The following C2CD3 variants were observed in gnomAD, a reference collection of about 807,000 sequenced individuals.
C2CD3 encodes C2 domain containing 3 centriole elongation regulator, also known as C2 domain-containing protein 3.
C2CD3 carries 148 observed loss-of-function variants against 234.0 expected under a neutral mutation model. The ratio of observed to expected loss-of-function variants is 0.63; its 90% CI spans 0.55 to 0.72. The LOEUF is 0.72. Ranked by LOEUF, C2CD3 falls within the 30% of genes least tolerant of loss-of-function variation. C2CD3 has a pLI of 0.00. For synonymous variants in C2CD3, 1,000 were observed against 1,035.4 expected (o/e 0.97, Z 0.66); for missense variants, 2,577 against 2,811.5 (o/e 0.92, Z 1.89).
Position 74,090,804 on chromosome 11 carries a change from T to A in C2CD3, c.3641+9A>T. The stretch of plus-strand genomic sequence containing the variant: ...AGGCTTGAGAATTGCTTGTCTCAGG[T>A]GGACTTACTTGGCTGCTGCTTGCAG... On this transcript the variant is annotated intron_variant, in intron 20 of 32. Transcript: ENST00000334126. The A allele has an allele frequency of 6.2e-7, 1 of 1,614,092 alleles. No individual in the cohort carries two copies. The highest frequency in any genetic ancestry group is 8.5e-7 in the Non-Finnish European group (1 of 1,179,960).
At chr11:74,165,101 G>A (rs977269709) in intron 2 of C2CD3, among the ~76,000 whole-genome samples, 62 of 151,986 alleles carry the variant, frequency 4.1e-4, no homozygotes, top group African/African-American at 1.4e-3. Context: ...TAGATACGAA[G>A]AAATAAATAA....
At chr11:74,155,588 A>G (rs1265343347) in intron 3 of C2CD3, among the ~76,000 whole-genome samples, 1 of 152,192 alleles carries the variant, frequency 6.6e-6, no homozygotes, top group South Asian at 2.1e-4. Flanking sequence ...GATACATGCT[A>G]TAACATGGAT....
intron 24 of C2CD3, among the ~76,000 whole-genome samples, chr11:74,065,912 C>T (rs1340718936): frequency 3.0e-4 from 25 of 83,862 alleles, no homozygotes; most frequent in Non-Finnish European, 1.1e-4. Context: ...CAGGGCCTGT[C>T]GTGGGGTGGG....
intron 24 of C2CD3, among the ~76,000 whole-genome samples, chr11:74,065,286 T>G (rs1954462749): frequency 6.6e-6 from 1 of 152,068 alleles, no homozygotes; most frequent in Non-Finnish European, 1.5e-5. Flanking sequence ...AAGAAGACAT[T>G]TATGCAGCCA....
intron 22 of C2CD3, 109 bp downstream of exon 22, chr11:74,084,772 G>A (rs1955564694): frequency 4.3e-6 from 3 of 701,800 alleles, no homozygotes; most frequent in Non-Finnish European, 7.8e-6. Flanking sequence ...TGTGTTAAGG[G>A]GTTGTGTTTT....
At chr11:74,108,938 A>C (rs1044562180) in intron 12 of C2CD3, 96 bp downstream of exon 12, 1 of 685,096 alleles carries the variant, frequency 1.5e-6, no homozygotes, top group African/African-American at 1.9e-5. Flanking sequence ...TACTGCCTGC[A>C]CCTGAAGATT....
intron 26 of C2CD3, among the ~76,000 whole-genome samples, chr11:74,053,378 T>A (rs1953790758): frequency 6.6e-6 from 1 of 152,226 alleles, no homozygotes; most frequent in African/African-American, 2.4e-5. Context: ...ATTATTAGCC[T>A]CAATTTTATA....
intron 32 of C2CD3, among the ~76,000 whole-genome samples, chr11:74,021,997 G>C (rs112639093): frequency 2.6e-5 from 4 of 152,246 alleles, no homozygotes; most frequent in African/African-American, 9.6e-5. Flanking sequence ...GTGATGGCAC[G>C]CGCCTATAAT....
intron 7 of C2CD3, among the ~76,000 whole-genome samples, chr11:74,131,962 C>T (rs1238529951): frequency 1.3e-5 from 2 of 152,204 alleles, no homozygotes; most frequent in African/African-American, 2.4e-5. Flanking sequence ...TGAATGTAGA[C>T]AGTATCTTTT....
intron 23 of C2CD3, 79 bp downstream of exon 23, chr11:74,078,036 T>C: frequency 1.3e-6 from 2 of 1,486,340 alleles, no homozygotes; most frequent in Non-Finnish European, 9.0e-7. Flanking sequence ...TAAAGTAATG[T>C]CTGACAGAGT....
chr11:74,082,987 C>A (rs1095426), intron 22 of C2CD3, among the ~76,000 whole-genome samples: 6,109 of 152,260 alleles, frequency 0.04, 412 homozygotes, highest in African/African-American at 0.14. Context: ...ATTGCCAAGA[C>A]AATCCTAAGC....
In C2CD3 at chr11:74,113,815, A is replaced by G. The variant is rs766499226; in HGVS notation, c.1808T>C (p.Val603Ala). 10 of 1,613,100 alleles carry G rather than the reference A, an allele frequency of 6.2e-6. No homozygotes were observed. The Admixed American group carries it at 1.0e-4, about 16-fold the overall frequency. The change falls in exon 11 of 33, where the codon GTT becomes GCT. Residue 603 changes from valine to alanine, a missense_variant. Transcript: ENST00000334126. ...GLGKTALITE[V>A]VRLASSKITD... Reference sequence around the variant, plus strand: ...AATTTTACTGGAGGCGAGTCGAACAACCTCAGTGATCAAAGCTGTCTTTCC... The same window carrying G: ...AATTTTACTGGAGGCGAGTCGAACAGCCTCAGTGATCAAAGCTGTCTTTCC...
chr11:74,112,297 C>A (rs973197455), intron 11 of C2CD3, among the ~76,000 whole-genome samples: 28 of 152,048 alleles, frequency 1.8e-4, no homozygotes, highest in Non-Finnish European at 3.2e-4. Context: ...GCAAAGCTAT[C>A]CTCAGAATAT....
At chr11:74,097,934 T>A (rs1398703008) in intron 16 of C2CD3, 75 bp downstream of exon 16, 1 of 1,437,238 alleles carries the variant, frequency 7.0e-7, no homozygotes, top group Non-Finnish European at 9.6e-7. Flanking sequence ...AAATAAAGGA[T>A]TTGGGCAATA....
At chr11:74,107,853 TTAGAAAAA>T (rs1956583884) in intron 12 of C2CD3, 1 of 151,882 alleles carries the variant, frequency 6.6e-6, no homozygotes, top group Non-Finnish European at 1.5e-5. Context: ...TCTTTTATAA[TTAGAAAAA>T]AAATGCCGGC....
Position 74,100,619 on chromosome 11 carries a change from C to G in C2CD3, c.2638G>C (p.Val880Leu). Residue 880 changes from valine to leucine, a missense_variant, in exon 15 of 33, where the codon GTA becomes CTA. By Grantham distance (32) the Val-to-Leu change is conservative. Coordinates refer to ENST00000334126, the MANE Select transcript of C2CD3 (RefSeq NM_001286577.2). ...YLERLKNNVM[V>L]IETWNKVRSP... ...CGCACCTTATTCCAAGTTTCAATTA[C>G]CATCACATTGTTCTTAAGCCTTTCC... is the stretch of plus-strand genomic sequence containing the variant. 6.2e-7 allele frequency: 1 copy of G among 1,613,968 alleles called. No homozygotes were observed. The highest frequency in any genetic ancestry group is 8.5e-7 in the Non-Finnish European group (1 of 1,179,882).
At chr11:74,109,874 C>T (rs559915926) in intron 11 of C2CD3, among the ~76,000 whole-genome samples, 1 of 151,756 alleles carries the variant, frequency 6.6e-6, no homozygotes, top group Non-Finnish European at 1.5e-5. Context: ...AGATCAAGAC[C>T]ATCCTGGCTA....
At chr11:74,052,905 T>C (rs1953763766) in intron 26 of C2CD3, among the ~76,000 whole-genome samples, 1 of 152,224 alleles carries the variant, frequency 6.6e-6, no homozygotes, top group Non-Finnish European at 1.5e-5. Flanking sequence ...ACTGTGACTC[T>C]GTAGGCTGTG....
chr11:74,133,016 G>A, intron 6 of C2CD3, 44 bp from the exon 7 acceptor site: 2 of 1,593,194 alleles, frequency 1.3e-6, no homozygotes, highest in South Asian at 1.1e-5. Flanking sequence ...GCTAACAGAT[G>A]GAAAAAATCT....
Sources: gnomAD v4.1 joint callset for allele counts (sites outside exome capture counted in the v4.1 genomes callset) on GRCh38, gnomAD v4.1.1 for gene constraint, MANE v1.5 for transcripts, NCBI Gene and HGNC (gene_info 2026-07-23, HGNC 2026-07-21) for gene names.